MKLN1: variants seen among roughly 807,000 people sequenced by gnomAD.
MKLN1 encodes the protein muskelin.
Under a neutral mutation model 99.0 loss-of-function variants are expected in MKLN1, and 18 were observed. That is an observed-to-expected ratio of 0.18 (90% CI 0.13 to 0.27). The LOEUF (loss-of-function observed/expected upper bound fraction) is 0.27. MKLN1 is among the 10% of genes least tolerant of loss of function. The pLI, the probability that MKLN1 is intolerant of heterozygous loss-of-function variation, is 1.00. For synonymous variants in MKLN1, 288 were observed against 293.2 expected (o/e 0.98, Z 0.18); for missense variants, 621 against 875.9 (o/e 0.71, Z 3.67).
intron 9 of MKLN1, among the ~76,000 whole-genome samples, chr7:131,430,650 C>T (rs1795497092): frequency 6.6e-6 from 1 of 152,164 alleles, no homozygotes; most frequent in Non-Finnish European, 1.5e-5. Flanking sequence ...CATCCAATAC[C>T]ACATTTCAAA....
chr7:131,195,552 G>C (rs978173781), intron 2 of MKLN1, among the ~76,000 whole-genome samples: 3 of 152,044 alleles, frequency 2.0e-5, no homozygotes, highest in Non-Finnish European at 4.4e-5. Context: ...ATTTGGAAAA[G>C]ATGGGCTAAC....
intron 2 of MKLN1, among the ~76,000 whole-genome samples, chr7:131,386,264 G>A (rs997088915): frequency 6.6e-6 from 1 of 151,980 alleles, no homozygotes; most frequent in African/African-American, 2.4e-5. Context: ...CGCCCACCTC[G>A]GCCTCCCAAA....
intron 1 of MKLN1, among the ~76,000 whole-genome samples, chr7:131,141,059 C>T (rs1303298874): frequency 1.3e-5 from 2 of 152,116 alleles, no homozygotes; most frequent in Non-Finnish European, 2.9e-5. Flanking sequence ...GCTGGGATTA[C>T]AGGTGTGAGC....
At chr7:131,214,371 G>A (rs10245790) in intron 3 of MKLN1, among the ~76,000 whole-genome samples, 1,614 of 152,160 alleles carry the variant, frequency 0.011, 27 homozygotes, top group African/African-American at 0.038. Flanking sequence ...GATGGGGTGG[G>A]TAAGTTTTCC....
chr7:131,355,364 A>G (rs1486565655), intron 1 of MKLN1, among the ~76,000 whole-genome samples: 1 of 151,986 alleles, frequency 6.6e-6, no homozygotes, highest in South Asian at 2.1e-4. Flanking sequence ...TTATAAGTTA[A>G]CATAGAATTG....
chr7:131,443,101 A>C (rs1163485024), intron 10 of MKLN1, among the ~76,000 whole-genome samples: 2 of 152,224 alleles, frequency 1.3e-5, no homozygotes, highest in Non-Finnish European at 1.5e-5. Context: ...TGGTAGTAAT[A>C]TTAATAGGAT....
intron 6 of MKLN1, 59 bp from the exon 7 acceptor site, chr7:131,411,247 T>C (rs1236522894): frequency 4.9e-6 from 5 of 1,014,368 alleles, no homozygotes; most frequent in Non-Finnish European, 7.3e-6. Flanking sequence ...AATTTTTTTC[T>C]ATAATAAATA....
intron 16 of MKLN1, among the ~76,000 whole-genome samples, chr7:131,474,139 T>G (rs1478545296): frequency 6.6e-6 from 1 of 152,118 alleles, no homozygotes; most frequent in African/African-American, 2.4e-5. Flanking sequence ...AACAAGGAGT[T>G]ACTGTAGCTC....
At chr7:131,244,894 A>G (rs59129288) in intron 3 of MKLN1, among the ~76,000 whole-genome samples, 13,498 of 152,126 alleles carry the variant, frequency 0.089, 837 homozygotes, top group East Asian at 0.27. Flanking sequence ...GTGGAAAGGC[A>G]GGGAAAAGAG....
At chr7:131,249,882 TGGCA>T (rs1190235947) in intron 3 of MKLN1, among the ~76,000 whole-genome samples, 1 of 152,114 alleles carries the variant, frequency 6.6e-6, no homozygotes. Context: ...CCCGTCATGC[TGGCA>T]GGTCAGAATT....
chr7:131,349,688 A>G (rs1799663920), intron 1 of MKLN1, among the ~76,000 whole-genome samples: 1 of 152,218 alleles, frequency 6.6e-6, no homozygotes, highest in South Asian at 2.1e-4. Flanking sequence ...TGATAATTCA[A>G]GCCTTCTGAG....
Position 131,156,544 on chromosome 7 carries a change from G to A in MKLN1, c.-297+13603G>A, listed in dbSNP as rs911124563. 5.3e-5 allele frequency among the ~76,000 whole-genome samples: 8 copies of A among 151,538 alleles called. No individual in the cohort carries two copies. In the East Asian group the frequency reaches 1.5e-3, roughly 29 times the overall value. On this transcript the variant is annotated intron_variant, in intron 2 of 7. Coordinates refer to the MKLN1 transcript ENST00000416992. ...TCATCTTTTCCTGGGCTAGCGATGT[G>A]CAGATACTACTCTCTCGTGAAGCTG...
At chr7:131,255,120 T>A (rs559616722) in intron 3 of MKLN1, among the ~76,000 whole-genome samples, 87 of 152,130 alleles carry the variant, frequency 5.7e-4, no homozygotes, top group Admixed American at 1.9e-3. Flanking sequence ...TTAAAAAAAA[T>A]TTTGTGGAGA....
chr7:131,464,731 A>C (rs1226954278), intron 14 of MKLN1, among the ~76,000 whole-genome samples: 1 of 152,186 alleles, frequency 6.6e-6, no homozygotes, highest in Non-Finnish European at 1.5e-5. Context: ...TACAGTTGTC[A>C]GCATTTAGGT....
At chr7:131,224,312 A>G (rs916289709) in intron 3 of MKLN1, among the ~76,000 whole-genome samples, 4 of 150,978 alleles carry the variant, frequency 2.6e-5, no homozygotes, top group African/African-American at 7.3e-5. Context: ...TTGGGAGGCC[A>G]AGGTGGGCAG....
intron 2 of MKLN1, among the ~76,000 whole-genome samples, chr7:131,376,371 C>T (rs918273841): frequency 4.8e-5 from 7 of 146,998 alleles, no homozygotes; most frequent in South Asian, 2.1e-4. Flanking sequence ...TGGCTGGGCG[C>T]GGTGGCTCAT....
intron 2 of MKLN1, among the ~76,000 whole-genome samples, chr7:131,162,030 A>G (rs1056938966): frequency 6.7e-6 from 1 of 148,236 alleles, no homozygotes; most frequent in Admixed American, 6.8e-5. Context: ...ATATATATAT[A>G]TATATACACA....
intron 3 of MKLN1, among the ~76,000 whole-genome samples, chr7:131,320,477 T>C (rs1484313938): frequency 6.6e-6 from 1 of 152,140 alleles, no homozygotes; most frequent in Non-Finnish European, 1.5e-5. Context: ...ATAAAAACCC[T>C]AGAAGAAAAC....
At chr7:131,470,751 C>T (rs1323809056) in intron 15 of MKLN1, 91 bp from the exon 16 acceptor site, 11 of 819,066 alleles carry the variant, frequency 1.3e-5, no homozygotes, top group Non-Finnish European at 2.1e-5. Context: ...TCCTCATACT[C>T]AGTATAACAG....
Sources: gnomAD v4.1 joint callset for allele counts (sites outside exome capture counted in the v4.1 genomes callset) on GRCh38, gnomAD v4.1.1 for gene constraint, MANE v1.5 for transcripts, NCBI Gene and HGNC (gene_info 2026-07-23, HGNC 2026-07-21) for gene names.